Variants in PDZD2 observed in about 807,000 individuals in gnomAD.
The protein encoded by PDZD2 is PDZ domain containing 2, also known as PDZ domain-containing protein 2.
A neutral mutation model predicts 220.7 loss-of-function variants in PDZD2; 90 were observed. The observed-to-expected ratio is 0.41, with a 90% CI of 0.34 to 0.49. The LOEUF is 0.49. Ranked by LOEUF, PDZD2 falls within the 20% of genes least tolerant of loss-of-function variation. The probability of loss-of-function intolerance (pLI) is 0.28; values close to 1 mark genes in which losing one functional copy is unlikely to be tolerated. For synonymous variants in PDZD2, 1,375 were observed against 1,450.5 expected, an observed-to-expected ratio of 0.95 and a Z score of 1.18; for missense variants, 3,174 against 3,608.5, an observed-to-expected ratio of 0.88 and a Z score of 3.08.
chr5:31,805,563 G>A (rs528464958), intron 2 of PDZD2, among the ~76,000 whole-genome samples: 5 of 152,246 alleles, frequency 3.3e-5, no homozygotes, highest in Admixed American at 1.3e-4. Context: ...ACCTGCCAGC[G>A]TGATAAATGG....
chr5:31,776,693 G>T (rs1291346657), intron 1 of PDZD2, among the ~76,000 whole-genome samples: 1 of 151,396 alleles, frequency 6.6e-6, no homozygotes, highest in Admixed American at 6.6e-5. Flanking sequence ...CTGTCGCCCA[G>T]GCTGGAGTGC....
chr5:32,088,056 C>G lies in PDZD2; in HGVS notation c.4608C>G (p.Ser1536=), dbSNP rs144735483. 2 of 1,614,036 alleles carry G rather than the reference C, an allele frequency of 1.2e-6. No individual in the cohort carries two copies. Among genetic ancestry groups the G allele is most frequent in the East Asian group, 2.2e-5 (1 of 44,874 alleles). The change falls in exon 20 of 25, where the codon TCC becomes TCG. Residue 1536 remains serine (S), a synonymous_variant. Coordinates refer to ENST00000438447, the MANE Select transcript of PDZD2 (RefSeq NM_178140.4). This position sits in a 1 kb window ranked among gnomAD's most constrained non-coding sequence, Gnocchi z 4.6. Reference sequence around the variant, plus strand: ...GCAGTTTTCATGAAGACAGCACCTCCCTATCAGGCCTGGGTGACAGCACGG... The same window carrying G: ...GCAGTTTTCATGAAGACAGCACCTCGCTATCAGGCCTGGGTGACAGCACGG... The part of the protein sequence containing the change: ...NFSSFHEDST[S]LSGLGDSTEP...
chr5:31,821,522 A>G (rs973169345), intron 2 of PDZD2, among the ~76,000 whole-genome samples: 24 of 152,022 alleles, frequency 1.6e-4, no homozygotes, highest in African/African-American at 5.1e-4. Flanking sequence ...CTGGGACTAC[A>G]GGCGTGCACC....
intron 2 of PDZD2, among the ~76,000 whole-genome samples, chr5:31,977,395 C>T (rs1254811178): frequency 6.6e-6 from 1 of 152,212 alleles, no homozygotes; most frequent in Admixed American, 6.5e-5. Context: ...TTGTGTATGT[C>T]TTCAGCTTTC....
Position 32,081,939 on chromosome 5 carries a change from C to CA in PDZD2, c.3682+4335dup, listed in dbSNP as rs903481132. Among the ~76,000 whole-genome samples, 6 of 151,882 alleles carry CA rather than the reference C, an allele frequency of 4.0e-5. 1 individual carries two copies. Among genetic ancestry groups the CA allele is most frequent in the Admixed American group, 1.3e-4 (2 of 15,230 alleles). ...GGGTTTCACCGTGTTAGGATGGTCT[C>CA]AATCTCCTGAACTCGTGATCTGCCC... On this transcript the variant is annotated intron_variant, in intron 19 of 24. Coordinates refer to ENST00000438447, the MANE Select transcript of PDZD2 (RefSeq NM_178140.4).
intron 1 of PDZD2, among the ~76,000 whole-genome samples, chr5:31,756,649 A>C (rs1751323635): frequency 6.6e-6 from 1 of 152,230 alleles, no homozygotes; most frequent in South Asian, 2.1e-4. Context: ...GGGGATGAAC[A>C]TAGGAGCTGG....
At chr5:31,721,516 CT>C (rs752973527) in intron 1 of PDZD2, among the ~76,000 whole-genome samples, 3,712 of 120,314 alleles carry the variant, frequency 0.031, 52 homozygotes, top group African/African-American at 0.054. Flanking sequence ...ATAACTGCCT[CT>C]TTTTTTTTTT....
At chr5:32,033,419 A>T (rs535498234) in intron 6 of PDZD2, among the ~76,000 whole-genome samples, 17 of 152,318 alleles carry the variant, frequency 1.1e-4, no homozygotes, top group African/African-American at 3.6e-4. Flanking sequence ...AACTCAACGA[A>T]AAAACAGTTT....
chr5:32,097,922 GT>G (rs923329393), intron 22 of PDZD2, among the ~76,000 whole-genome samples: 6 of 151,658 alleles, frequency 4.0e-5, no homozygotes, highest in Non-Finnish European at 5.9e-5. Flanking sequence ...CTGAATGTAT[GT>G]TTTTTTTTAT....
chr5:31,884,259 A>ACATC (rs1554089028), intron 2 of PDZD2, among the ~76,000 whole-genome samples: 1 of 151,562 alleles, frequency 6.6e-6, no homozygotes, highest in Non-Finnish European at 1.5e-5. Context: ...ATACATACAT[A>ACATC]CATCCTGGGT....
chr5:32,010,541 C>T (rs531917972), intron 6 of PDZD2, 59 bp downstream of exon 6: 70 of 1,260,606 alleles, frequency 5.6e-5, no homozygotes, highest in Middle Eastern at 3.8e-4. Context: ...AAGTCCTGGG[C>T]GCCAGGATTA....
chr5:31,686,742 T>C (rs1437618711), intron 1 of PDZD2, among the ~76,000 whole-genome samples: 1 of 152,246 alleles, frequency 6.6e-6, no homozygotes, highest in Admixed American at 6.5e-5. Context: ...TTACAATATT[T>C]TTAGTTTCTA....
chr5:31,983,519 C>A lies in PDZD2; in HGVS notation c.841C>A (p.Leu281Ile). 1 of 1,614,194 alleles carries A rather than the reference C, an allele frequency of 6.2e-7. No individual in the cohort carries two copies. Among genetic ancestry groups the A allele is most frequent in the Non-Finnish European group, 8.5e-7 (1 of 1,180,038 alleles). ...DSLKEVAGPH[L>I]ERSEVDRGTE... ...TCTCAAGGAGGTGGCTGGACCCCAT[C>A]TAGAGAGGTCAGAAGTGGACAGAGG... The change falls in exon 3 of 25, where the codon CTA becomes ATA. Residue 281 changes from leucine (L) to isoleucine (I), a missense_variant. Around this residue, in one of 4 missense-constraint regions of PDZD2, gnomAD observed 632 missense variants for 708.1 expected, o/e 0.89. Transcript: ENST00000438447.
At chr5:31,862,797 G>A (rs1003266647) in intron 2 of PDZD2, among the ~76,000 whole-genome samples, 10 of 152,076 alleles carry the variant, frequency 6.6e-5, no homozygotes, top group Admixed American at 5.2e-4. Context: ...GCCTGATCTC[G>A]GCTCATTGCA....
chr5:31,756,674 A>G (rs1323854782), intron 1 of PDZD2, among the ~76,000 whole-genome samples: 1 of 152,244 alleles, frequency 6.6e-6, no homozygotes, highest in Non-Finnish European at 1.5e-5. Context: ...AGGTGGTGGC[A>G]GTGTGACAGC....
chr5:31,717,564 C>A (rs576126585), intron 1 of PDZD2, among the ~76,000 whole-genome samples: 1 of 152,056 alleles, frequency 6.6e-6, no homozygotes, highest in East Asian at 1.9e-4. Context: ...ACCTCCCCAG[C>A]CTTCAAGTTT....
intron 19 of PDZD2, among the ~76,000 whole-genome samples, chr5:32,081,118 T>C (rs1741909916): frequency 6.6e-6 from 1 of 151,694 alleles, no homozygotes; most frequent in Non-Finnish European, 1.5e-5. Flanking sequence ...CTTAAGTAAG[T>C]GGGTTGCTGC....
At chr5:31,900,381 G>A (rs6450874) in intron 2 of PDZD2, among the ~76,000 whole-genome samples, 85,354 of 152,160 alleles carry the variant, frequency 0.56, 26,397 homozygotes, top group Middle Eastern at 0.72. Context: ...ACCAAATTGT[G>A]AAGAGCTCAC....
chr5:31,912,141 G>A (rs533661756), intron 2 of PDZD2, among the ~76,000 whole-genome samples: 14 of 152,210 alleles, frequency 9.2e-5, no homozygotes, highest in Admixed American at 4.6e-4. Context: ...TAAATGAGAC[G>A]GCTTATAAGT....
Sources: allele counts gnomAD v4.1 joint callset (sites outside exome capture counted in the v4.1 genomes callset), GRCh38; gene constraint gnomAD v4.1.1; regional missense constraint gnomAD v4.1.1; non-coding constraint Gnocchi (gnomAD v3.1); transcripts MANE v1.5; gene names NCBI Gene and HGNC (gene_info 2026-07-23, HGNC 2026-07-21).